Variants in PRKCE observed in about 807,000 individuals in gnomAD.
PRKCE encodes protein kinase C epsilon type.
A neutral mutation model predicts 85.4 loss-of-function variants in PRKCE; 16 were observed. The observed-to-expected ratio is 0.19, with a 90% CI of 0.13 to 0.28. PRKCE has a LOEUF of 0.28. Among genes scored for constraint, PRKCE ranks in the 10% least tolerant of loss-of-function variants. PRKCE has a pLI of 1.00. For synonymous variants in PRKCE, 388 were observed against 371.5 expected (o/e 1.04, Z -0.51); for missense variants, 573 against 975.2 (o/e 0.59, Z 5.49).
intron 1 of PRKCE, among the ~76,000 whole-genome samples, chr2:45,743,988 T>C (rs1682804058): frequency 1.2e-5 from 1 of 83,962 alleles, no homozygotes; most frequent in Non-Finnish European, 2.3e-5. Context: ...GATTTGGCCG[T>C]TGTGTGTTTT....
At chr2:45,742,345 G>T (rs1025722864) in intron 1 of PRKCE, among the ~76,000 whole-genome samples, 2 of 152,016 alleles carry the variant, frequency 1.3e-5, no homozygotes, top group Non-Finnish European at 2.9e-5. Context: ...TGAGGCAGGA[G>T]GATTGCTTGA....
intron 2 of PRKCE, among the ~76,000 whole-genome samples, chr2:45,957,915 C>G (rs915599452): frequency 8.3e-5 from 9 of 108,632 alleles, no homozygotes; most frequent in Non-Finnish European, 1.5e-4. Context: ...GACTGTGTCT[C>G]TATTTTTTTT....
chr2:45,838,218 G>A (rs923684993), intron 1 of PRKCE, among the ~76,000 whole-genome samples: 23 of 152,198 alleles, frequency 1.5e-4, no homozygotes, highest in Non-Finnish European at 5.9e-5. Context: ...GGACGGGAGG[G>A]TTGAAGGAAG....
At chr2:45,765,895 C>T (rs1684874660) in intron 1 of PRKCE, among the ~76,000 whole-genome samples, 1 of 152,176 alleles carries the variant, frequency 6.6e-6, no homozygotes, top group African/African-American at 2.4e-5. Context: ...AAGAGAAAAG[C>T]CTGTCCAAGT....
chr2:45,661,127 C>T (rs931355766), intron 1 of PRKCE, among the ~76,000 whole-genome samples: 3 of 152,218 alleles, frequency 2.0e-5, no homozygotes, highest in African/African-American at 7.2e-5. Context: ...GGAGTAGACT[C>T]ACTGAGCTCC....
intron 1 of PRKCE, among the ~76,000 whole-genome samples, chr2:45,759,350 G>A (rs1684255445): frequency 6.6e-6 from 1 of 152,212 alleles, no homozygotes; most frequent in Admixed American, 6.5e-5. Context: ...GGAGGCTGGA[G>A]AGGAGCTGAC....
chr2:46,045,466 A>G (rs1348958251), intron 10 of PRKCE, among the ~76,000 whole-genome samples: 2 of 152,156 alleles, frequency 1.3e-5, no homozygotes, highest in Non-Finnish European at 2.9e-5. Context: ...GTTGGTGGAG[A>G]TGTTTAGGCT....
At chr2:45,702,972 G>A (rs1678778558) in intron 1 of PRKCE, among the ~76,000 whole-genome samples, 1 of 151,998 alleles carries the variant, frequency 6.6e-6, no homozygotes. Flanking sequence ...AACAGCCTCG[G>A]CAGATAACAG....
chr2:45,909,192 A>C lies in PRKCE; in HGVS notation c.412+66129A>C, dbSNP rs145782971. On this transcript the variant is annotated intron_variant, in intron 2 of 14. Transcript: ENST00000306156. ...TTCAATTCGCAGATTATATTGTCTC[A>C]CAAAGCACTTTCATGGTCATTATTT... 3.5e-3 allele frequency among the ~76,000 whole-genome samples: 534 copies of C among 152,366 alleles called. 2 individuals are homozygous for C. The highest frequency in any genetic ancestry group is 1.0e-2 in the African/African-American group (415 of 41,584).
At chr2:45,678,001 A>G (rs1220807751) in intron 1 of PRKCE, 13 of 625,716 alleles carry the variant, frequency 2.1e-5, no homozygotes, top group Non-Finnish European at 2.6e-5. Context: ...GAGCTGAGGA[A>G]CCTTTTAGAA....
chr2:45,759,380 C>T (rs1457472290), intron 1 of PRKCE, among the ~76,000 whole-genome samples: 3 of 152,180 alleles, frequency 2.0e-5, no homozygotes, highest in Non-Finnish European at 4.4e-5. Context: ...AGAGGAGGAG[C>T]CAGCCAGATG....
At chr2:45,815,576 C>T (rs936738404) in intron 1 of PRKCE, among the ~76,000 whole-genome samples, 2 of 152,174 alleles carry the variant, frequency 1.3e-5, no homozygotes, top group African/African-American at 4.8e-5. Flanking sequence ...ACTTCCTGAC[C>T]AGTCACTTTG....
chr2:45,719,486 T>A (rs1031943989), intron 1 of PRKCE, among the ~76,000 whole-genome samples: 2 of 152,202 alleles, frequency 1.3e-5, no homozygotes, highest in East Asian at 1.9e-4. Flanking sequence ...TGTTTGGGGC[T>A]CCTTCCCTCA....
intron 1 of PRKCE, among the ~76,000 whole-genome samples, chr2:45,708,863 T>C (rs1033847601): frequency 6.6e-6 from 1 of 152,138 alleles, no homozygotes; most frequent in Non-Finnish European, 1.5e-5. Context: ...GGGGGCCATG[T>C]GTTGAAGGTG....
At chr2:45,759,818 GA>G (rs1425962332) in intron 1 of PRKCE, among the ~76,000 whole-genome samples, 2 of 152,218 alleles carry the variant, frequency 1.3e-5, no homozygotes, top group African/African-American at 4.8e-5. Flanking sequence ...GAGATGCAGG[GA>G]GGGGCGGTGG....
chr2:45,673,526 C>A (rs1676275732), intron 1 of PRKCE, among the ~76,000 whole-genome samples: 1 of 152,190 alleles, frequency 6.6e-6, no homozygotes, highest in Non-Finnish European at 1.5e-5. Flanking sequence ...AGAATCTGGA[C>A]CCTACTATTT....
intron 5 of PRKCE, among the ~76,000 whole-genome samples, chr2:45,982,522 C>T (rs1030664280): frequency 2.6e-5 from 4 of 152,160 alleles, no homozygotes; most frequent in Admixed American, 1.3e-4. Flanking sequence ...GGTAACCAAA[C>T]AATGTTCCAT....
chr2:45,965,138 A>G (rs1289629472), intron 2 of PRKCE, among the ~76,000 whole-genome samples: 2 of 152,248 alleles, frequency 1.3e-5, no homozygotes, highest in South Asian at 4.1e-4. Context: ...AGATACAGAT[A>G]GCATCGAATA....
rs533602666 is a variant in PRKCE at position 45,877,821 on chromosome 2, G to A, written c.412+34758G>A. Among the ~76,000 whole-genome samples the A allele has an allele frequency of 2.0e-5, 3 of 152,214 alleles. No homozygotes were observed. In the South Asian group the frequency reaches 6.2e-4, roughly 32 times the overall value. ...ATTAACATAATTATTCACCCTTCTGGTCTTAAAGCTTGAACCTTACATTTG... is the reference window on the plus strand; with the variant it reads ...ATTAACATAATTATTCACCCTTCTGATCTTAAAGCTTGAACCTTACATTTG... On this transcript the variant is annotated intron_variant, in intron 2 of 14. Transcript: ENST00000306156.
Sources: gnomAD v4.1 joint callset for allele counts (sites outside exome capture counted in the v4.1 genomes callset) on GRCh38, gnomAD v4.1.1 for gene constraint, MANE v1.5 for transcripts, NCBI Gene and HGNC (gene_info 2026-07-23, HGNC 2026-07-21) for gene names.